Variants in PLXDC2 observed in about 807,000 individuals in gnomAD.
PLXDC2 encodes the protein plexin domain-containing protein 2.
A neutral mutation model predicts 68.9 loss-of-function variants in PLXDC2; 40 were observed. That is an observed-to-expected ratio of 0.58 (90% CI 0.45 to 0.76). The LOEUF is 0.76. PLXDC2 is among the 30% of genes least tolerant of loss of function. The pLI is 0.00. For missense variants in PLXDC2, 644 were observed against 661.9 expected, an observed-to-expected ratio of 0.97 and a Z score of 0.30; for synonymous variants, 243 against 234.2, an observed-to-expected ratio of 1.04 and a Z score of -0.34.
chr10:20,201,531 CAT>C (rs575034294), intron 9 of PLXDC2, among the ~76,000 whole-genome samples: 70 of 151,782 alleles, frequency 4.6e-4, no homozygotes, highest in African/African-American at 1.4e-3. Flanking sequence ...AACAATATAA[CAT>C]ATATAATAAC....
rs570615154 is a variant in PLXDC2, at chr10:19,881,582, A to G, written c.112+64391A>G. On this transcript the variant is annotated intron_variant, in intron 1 of 13. Coordinates refer to ENST00000377252, the MANE Select transcript of PLXDC2 (RefSeq NM_032812.9). ...CTAGATTTACTGATGGACATCATAT[A>G]TATGATGCCAGATAACAGAATTTTT... 4.6e-5 allele frequency among the ~76,000 whole-genome samples: 7 copies of G among 152,332 alleles called. No individual in the cohort carries two copies. The South Asian group carries it at 1.2e-3, about 27-fold the overall frequency.
chr10:20,142,847 C>T (rs1043152180), intron 4 of PLXDC2, among the ~76,000 whole-genome samples: 13 of 151,660 alleles, frequency 8.6e-5, no homozygotes, highest in African/African-American at 2.4e-4. Flanking sequence ...TACCAGATGT[C>T]GTTTCTAAAA....
At chr10:19,916,621 TTTA>T (rs964226210) in intron 1 of PLXDC2, among the ~76,000 whole-genome samples, 1 of 152,064 alleles carries the variant, frequency 6.6e-6, no homozygotes, top group Non-Finnish European at 1.5e-5. Flanking sequence ...GAAATGATTA[TTTA>T]TTATTATTAT....
At chr10:20,020,177 A>ATTTTTTTTTTTTTTTTTTTTTTT (rs1564659038) in intron 2 of PLXDC2, among the ~76,000 whole-genome samples, 3 of 98,188 alleles carry the variant, frequency 3.1e-5, no homozygotes, top group African/African-American at 1.3e-4. Context: ...ACACCCAGCA[A>ATTTTTTTTTTTTTTTTTTTTTTT]ATTTTTTTTT....
At chr10:20,060,922 A>T (rs1366210390) in intron 3 of PLXDC2, among the ~76,000 whole-genome samples, 4 of 152,176 alleles carry the variant, frequency 2.6e-5, no homozygotes, top group Non-Finnish European at 5.9e-5. Context: ...TTGGAGCCCA[A>T]CACATTTGGA....
rs112659953 is a variant in PLXDC2 at position 20,237,515 on chromosome 10, A to G, written c.1313-7830A>G. 4.6e-3 allele frequency among the ~76,000 whole-genome samples: 703 copies of G among 152,308 alleles called. 3 individuals are homozygous for G. Among genetic ancestry groups the G allele is most frequent in the Middle Eastern group, 0.01 (3 of 294 alleles). On this transcript the variant is annotated intron_variant, in intron 12 of 13. Transcript: ENST00000377252. ...GAAAATAAATGAGCTACAAAATGAG[A>G]CTGATCAGTTGCAAGGGAAACTTAC...
chr10:20,154,639 T>C (rs1160047711), intron 6 of PLXDC2, among the ~76,000 whole-genome samples: 1 of 152,030 alleles, frequency 6.6e-6, no homozygotes, highest in Non-Finnish European at 1.5e-5. Flanking sequence ...ATGCTGTCTA[T>C]CCTAGGATAC....
intron 4 of PLXDC2, among the ~76,000 whole-genome samples, chr10:20,139,025 A>G (rs1833968163): frequency 6.6e-6 from 1 of 152,250 alleles, no homozygotes; most frequent in Admixed American, 6.5e-5. Flanking sequence ...ATACATAGTT[A>G]TGGTTAATAA....
chr10:19,877,651 A>C (rs1356324945), intron 1 of PLXDC2, among the ~76,000 whole-genome samples: 1 of 152,240 alleles, frequency 6.6e-6, no homozygotes, highest in Non-Finnish European at 1.5e-5. Flanking sequence ...GGATCGATGA[A>C]GTAGATGGCA....
intron 6 of PLXDC2, among the ~76,000 whole-genome samples, chr10:20,149,002 G>A (rs1487673423): frequency 2.0e-5 from 3 of 151,876 alleles, no homozygotes; most frequent in Admixed American, 6.6e-5. Flanking sequence ...TTACTTGGGG[G>A]CAATTGTGTA....
In PLXDC2 at chr10:20,184,284, TA is replaced by T. The variant is rs537163644; in HGVS notation, c.1061+6878del. 7.8e-4 allele frequency among the ~76,000 whole-genome samples: 117 copies of T among 150,732 alleles called. 1 individual carries two copies. The South Asian group carries it at 0.024, about 31-fold the overall frequency. On this transcript the variant is annotated intron_variant, in intron 9 of 13. Coordinates refer to ENST00000377252, the MANE Select transcript of PLXDC2 (RefSeq NM_032812.9). ...AACAAAAAGAATCACCTATATTTCA[TA>T]AATTAATTGATTTAAAAGTAGGCGC...
intron 12 of PLXDC2, among the ~76,000 whole-genome samples, chr10:20,235,359 T>C (rs1209606123): frequency 3.3e-5 from 5 of 152,224 alleles, no homozygotes; most frequent in Admixed American, 3.3e-4. Flanking sequence ...GAGTTAATAA[T>C]AGTATTAACA....
At chr10:20,032,693 T>C (rs559610068) in intron 2 of PLXDC2, among the ~76,000 whole-genome samples, 2 of 152,138 alleles carry the variant, frequency 1.3e-5, no homozygotes, top group South Asian at 2.1e-4. Flanking sequence ...ATGTGTTATA[T>C]AGAACTGGTT....
intron 4 of PLXDC2, 123 bp downstream of exon 4, chr10:20,068,362 G>A (rs1407409112): frequency 6.9e-6 from 6 of 870,746 alleles, no homozygotes; most frequent in Middle Eastern, 5.3e-4. Context: ...TTATCACAAA[G>A]TCATAGGTAT....
chr10:20,192,954 A>G (rs1834786755), intron 9 of PLXDC2, among the ~76,000 whole-genome samples: 4 of 151,998 alleles, frequency 2.6e-5, no homozygotes, highest in Admixed American at 2.0e-4. Flanking sequence ...CCTCTACACC[A>G]CATGTCTTAG....
chr10:20,083,455 C>A (rs543956043), intron 4 of PLXDC2, among the ~76,000 whole-genome samples: 141 of 119,800 alleles, frequency 1.2e-3, no homozygotes, highest in Non-Finnish European at 1.8e-3. Context: ...CCAGCCTGGG[C>A]AACAGAGCGA....
chr10:20,162,118 A>G (rs1177992041), intron 6 of PLXDC2, among the ~76,000 whole-genome samples: 3 of 149,784 alleles, frequency 2.0e-5, no homozygotes, highest in Non-Finnish European at 4.5e-5. Context: ...GAAGGAAGGA[A>G]GGAAGGAAGG....
chr10:20,079,913 C>T (rs1836521033), intron 4 of PLXDC2, among the ~76,000 whole-genome samples: 1 of 151,948 alleles, frequency 6.6e-6, no homozygotes, highest in Admixed American at 6.6e-5. Context: ...AACAAACCTG[C>T]ACATTCCGCA....
chr10:20,147,398 T>A (rs946637863), intron 5 of PLXDC2, among the ~76,000 whole-genome samples: 1 of 152,244 alleles, frequency 6.6e-6, no homozygotes, highest in Non-Finnish European at 1.5e-5. Flanking sequence ...TTTAGATGTG[T>A]TTCTCTCTCA....
Sources: gnomAD v4.1 joint callset for allele counts (sites outside exome capture counted in the v4.1 genomes callset) on GRCh38, gnomAD v4.1.1 for gene constraint, MANE v1.5 for transcripts, NCBI Gene and HGNC (gene_info 2026-07-23, HGNC 2026-07-21) for gene names.